The following OASL variants were observed in gnomAD, a reference collection of about 807,000 sequenced individuals.
The protein encoded by OASL is 2'-5'-oligoadenylate synthase-like protein.
Under a neutral mutation model 35.3 loss-of-function variants are expected in OASL, and 28 were observed. The observed-to-expected ratio is 0.79, with a 90% CI of 0.59 to 1.09. The LOEUF is 1.09. OASL is among the 50% of genes least tolerant of loss of function. OASL has a pLI of 0.00. For synonymous variants in OASL, 252 were observed against 254.6 expected (o/e 0.99, Z 0.10); for missense variants, 620 against 635.2 (o/e 0.98, Z 0.26).
intron 4 of OASL, among the ~76,000 whole-genome samples, chr12:121,024,548 G>A (rs1268714747): frequency 6.6e-6 from 1 of 152,052 alleles, no homozygotes; most frequent in Non-Finnish European, 1.5e-5. Flanking sequence ...AACCCAGGAG[G>A]TGGAGGTTGC....
intron 4 of OASL, 146 bp from the exon 5 acceptor site, chr12:121,024,283 C>T (rs999601650): frequency 1.8e-5 from 14 of 781,870 alleles, no homozygotes; most frequent in East Asian, 1.1e-4. Context: ...CCCAAAACAC[C>T]GCAGGAGAGT....
At chr12:121,035,049 G>C (rs1426249421) in intron 1 of OASL, among the ~76,000 whole-genome samples, 1 of 151,790 alleles carries the variant, frequency 6.6e-6, no homozygotes, top group Non-Finnish European at 1.5e-5. Context: ...AATTGCTAGG[G>C]AGGCATCAGA....
chr12:121,024,047 C>G (rs141009084), exon 5 of OASL: 25 of 1,614,180 alleles, frequency 1.5e-5, no homozygotes, highest in Non-Finnish European at 2.1e-5. Context: ...AGTCCTGTTT[C>G]AGGCACTGGG....
Position 121,033,758 on chromosome 12 carries a change from G to T in OASL, c.199-15C>A. On this transcript the variant is annotated splice_polypyrimidine_tract_variant and intron_variant, in intron 1 of 5. Coordinates refer to ENST00000257570, the Ensembl canonical transcript of OASL. ...AAGGAGCCCACCTGCAGAACACAGAGCCCCGTCACCCTGAGGCCCACTGCC... is the reference window on the plus strand; with the variant it reads ...AAGGAGCCCACCTGCAGAACACAGATCCCCGTCACCCTGAGGCCCACTGCC... The T allele has an allele frequency of 6.2e-7, 1 of 1,608,194 alleles. No homozygotes were observed.
In OASL at chr12:121,031,573, T is replaced by C. The variant is rs138760740; in HGVS notation, c.526A>G (p.Ser176Gly). The C allele has an allele frequency of 4.2e-4, 679 of 1,613,902 alleles. 1 individual carries two copies. The highest frequency in any genetic ancestry group is 5.5e-4 in the Non-Finnish European group (649 of 1,179,992). The stretch of plus-strand genomic sequence containing the variant: ...GGACCACCGCAGGCCTTGATCAGGC[T>C]CACATAGACCTCAGGGGGTGGCTGG... Residue 176 changes from serine to glycine, a missense_variant, in exon 3 of 6, where the codon AGC becomes GGC. Transcript: ENST00000257570.
chr12:121,037,567 G>A (rs1303809291), intron 1 of OASL, among the ~76,000 whole-genome samples: 4 of 149,470 alleles, frequency 2.7e-5, no homozygotes, highest in African/African-American at 5.0e-5. Flanking sequence ...GAGGTCAGGA[G>A]ATCGAGACCA....
chr12:121,025,033 C>T (rs988408915), intron 4 of OASL, among the ~76,000 whole-genome samples: 3 of 127,456 alleles, frequency 2.4e-5, no homozygotes, highest in African/African-American at 9.1e-5. Flanking sequence ...GGCTGAAGGG[C>T]AGTGGTGCAA....
intron 3 of OASL, 104 bp from the exon 4 acceptor site, chr12:121,027,921 G>A: frequency 1.1e-6 from 1 of 921,282 alleles, no homozygotes. Context: ...TCCTGGCTCT[G>A]CTGCCTACTG....
In OASL at chr12:121,023,986, T is replaced by C. The variant is rs1325835674; in HGVS notation, c.1047+4A>G. ...CCCTTGACAGCCCAGAGAGGAGCCA[T>C]TACCTTCACGTTCCAGCTGGAGATG... On this transcript the variant is annotated splice_donor_region_variant and intron_variant, in intron 5 of 5. Coordinates refer to ENST00000257570, the Ensembl canonical transcript of OASL. 6.2e-7 allele frequency: 1 copy of C among 1,613,888 alleles called. No homozygotes were observed. The highest frequency in any genetic ancestry group is 2.2e-5 in the East Asian group (1 of 44,872).
chr12:121,027,497 A>G, intron 4 of OASL, 79 bp downstream of exon 4: 3 of 1,585,294 alleles, frequency 1.9e-6, no homozygotes, highest in Non-Finnish European at 2.6e-6. Flanking sequence ...CAGCCAATCC[A>G]TAAAACTCTA....
Position 121,031,633 on chromosome 12 carries a change from G to A in OASL, c.482-16C>T. ...AGAGAAGGCCCTGAGGAGTGAAGGAGCAAAGGAAGAGATTGGGGATTGAGG... is the reference window on the plus strand; with the variant it reads ...AGAGAAGGCCCTGAGGAGTGAAGGAACAAAGGAAGAGATTGGGGATTGAGG... On this transcript the variant is annotated splice_polypyrimidine_tract_variant and intron_variant, in intron 2 of 5. Transcript: ENST00000257570. 1 of 1,605,534 alleles carries A rather than the reference G, an allele frequency of 6.2e-7. No individual in the cohort carries two copies. Among genetic ancestry groups the A allele is most frequent in the Non-Finnish European group, 8.5e-7 (1 of 1,173,180 alleles).
chr12:121,034,727 G>A (rs1869882357), intron 1 of OASL, among the ~76,000 whole-genome samples: 1 of 152,134 alleles, frequency 6.6e-6, no homozygotes, highest in African/African-American at 2.4e-5. Context: ...TAAAATGAAA[G>A]TAATGTTGGA....
chr12:121,021,653 A>C (rs1434903795), intron 5 of OASL, among the ~76,000 whole-genome samples: 1 of 152,176 alleles, frequency 6.6e-6, no homozygotes, highest in East Asian at 1.9e-4. Context: ...CTACCAAAAA[A>C]TGCAAAAATT....
chr12:121,036,998 T>C (rs1869981177), intron 1 of OASL, among the ~76,000 whole-genome samples: 1 of 151,434 alleles, frequency 6.6e-6, no homozygotes, highest in South Asian at 2.1e-4. Context: ...AAGCGAAGAG[T>C]CTGTCTAATA....
At chr12:121,030,291 G>A (rs1037253743) in intron 3 of OASL, among the ~76,000 whole-genome samples, 1 of 152,062 alleles carries the variant, frequency 6.6e-6, no homozygotes, top group Non-Finnish European at 1.5e-5. Context: ...TGCAAGCTCC[G>A]CCTCCTGGGT....
At chr12:121,027,033 C>T (rs1045243232) in intron 4 of OASL, among the ~76,000 whole-genome samples, 3 of 151,896 alleles carry the variant, frequency 2.0e-5, no homozygotes, top group African/African-American at 4.8e-5. Flanking sequence ...TTCCCTAGAA[C>T]GGTAAAGGCC....
chr12:121,029,645 G>A (rs1450414295), intron 3 of OASL, among the ~76,000 whole-genome samples: 1 of 151,670 alleles, frequency 6.6e-6, no homozygotes, highest in African/African-American at 2.4e-5. Context: ...CTGAGATTGC[G>A]CCACTGCATT....
At chr12:121,021,787 G>A (rs1869248391) in intron 5 of OASL, among the ~76,000 whole-genome samples, 1 of 152,022 alleles carries the variant, frequency 6.6e-6, no homozygotes, top group Non-Finnish European at 1.5e-5. Context: ...CTCCAGCCTG[G>A]GCAACAAAGG....
At chr12:121,035,886 C>A (rs190235549) in intron 1 of OASL, among the ~76,000 whole-genome samples, 17 of 152,308 alleles carry the variant, frequency 1.1e-4, no homozygotes, top group Admixed American at 6.5e-4. Flanking sequence ...GAGACAGGGT[C>A]TTGCTCTGTT....
Sources: gnomAD v4.1 joint callset for allele counts (sites outside exome capture counted in the v4.1 genomes callset) on GRCh38, gnomAD v4.1.1 for gene constraint, MANE v1.5 for transcripts, NCBI Gene and HGNC (gene_info 2026-07-23, HGNC 2026-07-21) for gene names.